The following HS2ST1 variants were observed in gnomAD, a reference collection of about 807,000 sequenced individuals.
The protein encoded by HS2ST1 is heparan sulfate 2-O-sulfotransferase 1, also known as 2-O-sulfotransferase.
In HS2ST1, 18 loss-of-function variants were observed where a neutral mutation model predicts 42.9. The ratio of observed to expected loss-of-function variants is 0.42; its 90% confidence interval spans 0.29 to 0.62. The LOEUF (loss-of-function observed/expected upper bound fraction) is 0.62. HS2ST1 is among the 20% of genes least tolerant of loss of function. The probability of loss-of-function intolerance (pLI) is 0.21; values close to 1 mark genes in which losing one functional copy is unlikely to be tolerated. For synonymous variants in HS2ST1, 146 were observed against 152.9 expected (o/e 0.95, Z 0.33); for missense variants, 334 against 433.8 (o/e 0.77, Z 2.04).
intron 1 of HS2ST1, among the ~76,000 whole-genome samples, chr1:87,051,466 AAT>A (rs1372447799): frequency 6.6e-6 from 1 of 152,182 alleles, no homozygotes; most frequent in Non-Finnish European, 1.5e-5. Flanking sequence ...TTAAAAAGCT[AAT>A]ATATAGGGTA....
At chr1:87,044,757 T>C (rs1262962163) in intron 1 of HS2ST1, among the ~76,000 whole-genome samples, 3 of 152,256 alleles carry the variant, frequency 2.0e-5, no homozygotes, top group African/African-American at 7.2e-5. Flanking sequence ...CAGTATAGCA[T>C]ACTGCAGTGT....
chr1:87,045,994 G>T, intron 1 of HS2ST1: 2 of 705,206 alleles, frequency 2.8e-6, no homozygotes, highest in South Asian at 1.3e-5. Flanking sequence ...CATGTTGGAA[G>T]ATCAAAGGCA....
At chr1:87,087,270 G>C (rs1651837558) in intron 3 of HS2ST1, among the ~76,000 whole-genome samples, 1 of 152,074 alleles carries the variant, frequency 6.6e-6, no homozygotes, top group Non-Finnish European at 1.5e-5. Flanking sequence ...ATAGCTAAAA[G>C]AACACTTTTA....
chr1:87,103,335 T>G, intron 5 of HS2ST1, 97 bp from the exon 6 acceptor site: 1 of 1,101,372 alleles, frequency 9.1e-7, no homozygotes, highest in East Asian at 2.6e-5. Context: ...GATATACATG[T>G]GTTTATCTAT....
rs187185469 is a variant in HS2ST1, at chr1:87,084,070, A to G, written c.364-124A>G. ...TTACAGTATACTTTCCTTAGTCCAA[A>G]CCTGTGTTTCAAGCTCTGTAAAAGT... On this transcript the variant is annotated intron_variant, in intron 2 of 6. Coordinates refer to ENST00000370550, the MANE Select transcript of HS2ST1 (RefSeq NM_012262.4). 2,716 of 560,328 alleles carry G rather than the reference A, an allele frequency of 4.8e-3. 25 individuals are homozygous for G. The highest frequency in any genetic ancestry group is 4.2e-3 in the Non-Finnish European group (1,352 of 321,230). The allele number at this position is 560,328 out of a possible 1,614,324, so 34.7% of individuals were successfully genotyped here. A position where few individuals can be genotyped will look rare whatever the true frequency, so the allele number is the denominator to read the frequency against.
chr1:87,023,636 T>C (rs2100589586), intron 1 of HS2ST1, among the ~76,000 whole-genome samples: 1 of 152,300 alleles, frequency 6.6e-6, no homozygotes, highest in Admixed American at 6.5e-5. Flanking sequence ...ATTTTATTTA[T>C]CACTCTGTCT....
chr1:86,915,032 G>C lies in HS2ST1; in HGVS notation c.-5G>C. Reference sequence around the variant, plus strand: ...GGTATGTCTTGATCCCGAGCAGCGGGTTTCATGGGGCTCCTCAGGATTATG... The same window carrying C: ...GGTATGTCTTGATCCCGAGCAGCGGCTTTCATGGGGCTCCTCAGGATTATG... On this transcript the variant is annotated 5_prime_UTR_variant, in exon 1 of 7. Coordinates refer to ENST00000370550, the MANE Select transcript of HS2ST1 (RefSeq NM_012262.4). 1 of 1,614,156 alleles carries C rather than the reference G, an allele frequency of 6.2e-7. No homozygotes were observed.
At chr1:86,953,621 A>G (rs1324887145) in intron 1 of HS2ST1, among the ~76,000 whole-genome samples, 2 of 152,006 alleles carry the variant, frequency 1.3e-5, no homozygotes, top group Non-Finnish European at 2.9e-5. Flanking sequence ...TTAGCTGGGC[A>G]TGGTGGTGGG....
intron 1 of HS2ST1, among the ~76,000 whole-genome samples, chr1:86,948,468 G>A (rs181921950): frequency 1.3e-5 from 2 of 152,290 alleles, no homozygotes; most frequent in East Asian, 3.9e-4. Flanking sequence ...GCTGTTTAAA[G>A]CATAGCGTTC....
rs751048556 is a variant in HS2ST1, at chr1:87,073,675, C to T, written c.363+503C>T. On this transcript the variant is annotated intron_variant, in intron 2 of 6. Transcript: ENST00000370550. ...CATAATCTTACCTTTTAAATTCTCA[C>T]GAAGTTTTAGATAAACAGATGAATA... Among the ~76,000 whole-genome samples, 6 of 151,888 alleles carry T rather than the reference C, an allele frequency of 4.0e-5. No individual in the cohort carries two copies. In the East Asian group the frequency reaches 5.8e-4, roughly 15 times the overall value.
intron 1 of HS2ST1, among the ~76,000 whole-genome samples, chr1:87,052,380 A>G (rs1650858810): frequency 1.3e-5 from 2 of 152,184 alleles, no homozygotes; most frequent in African/African-American, 4.8e-5. Context: ...TTCTTCATAT[A>G]TACGTGAATG....
intron 1 of HS2ST1, among the ~76,000 whole-genome samples, chr1:87,053,932 T>G (rs1650896160): frequency 1.3e-5 from 2 of 152,234 alleles, no homozygotes; most frequent in African/African-American, 4.8e-5. Flanking sequence ...TTTTTAACTG[T>G]GTACCTTCAT....
chr1:87,025,707 G>A (rs1327976984), intron 1 of HS2ST1, among the ~76,000 whole-genome samples: 1 of 152,056 alleles, frequency 6.6e-6, no homozygotes, highest in Non-Finnish European at 1.5e-5. Context: ...AGTTCACTAA[G>A]AATTCCACAT....
chr1:87,077,140 G>T (rs1237076761), intron 2 of HS2ST1, among the ~76,000 whole-genome samples: 1 of 152,164 alleles, frequency 6.6e-6, no homozygotes, highest in African/African-American at 2.4e-5. Flanking sequence ...TCTTTAAACT[G>T]CAGTTTGAGT....
intron 1 of HS2ST1, among the ~76,000 whole-genome samples, chr1:87,018,149 CACACACACACACACAG>C (rs1183763991): frequency 3.4e-4 from 51 of 151,346 alleles, no homozygotes; most frequent in African/African-American, 1.2e-3. Flanking sequence ...CACACACACA[CACACACACACACACAG>C]ACACACACAC....
At position 87,072,989 on chromosome 1, in the gene HS2ST1, T is replaced by C. The variant is rs1389895273; in HGVS notation, c.180T>C (p.Asp60=). ...AAATTGAGCAGCGACATACAATGGA[T>C]GGCCCTCGGCAAGATGCCACTTTAG... ...VREIEQRHTM[D]GPRQDATLDE... is the part of the protein sequence containing the mutation. The change falls in exon 2 of 7, where the codon GAT becomes GAC. Residue 60 remains aspartate, a synonymous_variant. Coordinates refer to ENST00000370550, the MANE Select transcript of HS2ST1 (RefSeq NM_012262.4). 6.2e-7 allele frequency: 1 copy of C among 1,614,100 alleles called. No homozygotes were observed. Among genetic ancestry groups the C allele is most frequent in the Non-Finnish European group, 8.5e-7 (1 of 1,179,996 alleles).
intron 1 of HS2ST1, among the ~76,000 whole-genome samples, chr1:86,993,542 A>G (rs570444589): frequency 6.6e-6 from 1 of 152,358 alleles, no homozygotes; most frequent in Non-Finnish European, 1.5e-5. Flanking sequence ...GCTAGATTCT[A>G]TATAGATAGT....
chr1:86,992,332 T>TTAATTTAA (rs1311496009), intron 1 of HS2ST1, among the ~76,000 whole-genome samples: 4 of 152,108 alleles, frequency 2.6e-5, no homozygotes, highest in Non-Finnish European at 4.4e-5. Context: ...TTGGGTTACT[T>TTAATTTAA]GGAGTTTGTA....
chr1:86,973,235 A>T (rs1256715161), intron 1 of HS2ST1, among the ~76,000 whole-genome samples: 10 of 148,666 alleles, frequency 6.7e-5, no homozygotes, highest in South Asian at 4.2e-4. Flanking sequence ...TTTTTTTTTT[A>T]AATCTAACTA....
Sources: allele counts gnomAD v4.1 joint callset (sites outside exome capture counted in the v4.1 genomes callset), GRCh38; gene constraint gnomAD v4.1.1; transcripts MANE v1.5; gene names NCBI Gene and HGNC (gene_info 2026-07-23, HGNC 2026-07-21).